Variants in NADK2 observed in about 807,000 individuals in gnomAD.
The protein encoded by NADK2 is NAD kinase domain-containing protein 1, mitochondrial.
Under a neutral mutation model 62.1 loss-of-function variants are expected in NADK2, and 35 were observed. The ratio of observed to expected loss-of-function variants is 0.56; its 90% CI spans 0.43 to 0.75. The LOEUF is 0.75. Among genes scored for constraint, NADK2 ranks in the 30% least tolerant of loss-of-function variants. The pLI is 0.00. For synonymous variants in NADK2, 205 were observed against 207.9 expected (o/e 0.99, Z 0.12); for missense variants, 439 against 561.3 (o/e 0.78, Z 2.20).
At chr5:36,226,391 T>C in intron 3 of NADK2, 84 bp downstream of exon 3, 2 of 1,069,730 alleles carry the variant, frequency 1.9e-6, no homozygotes, top group Middle Eastern at 2.1e-4. Context: ...AAGGCTTCAA[T>C]ATAGCTAGAC....
intron 1 of NADK2, among the ~76,000 whole-genome samples, chr5:36,232,197 T>TATA (rs1483554086): frequency 6.6e-6 from 1 of 152,242 alleles, no homozygotes; most frequent in Non-Finnish European, 1.5e-5. Context: ...CTAAATGGTT[T>TATA]ATAACACCTT....
intron 6 of NADK2, among the ~76,000 whole-genome samples, chr5:36,213,339 C>T (rs1009177773): frequency 2.0e-5 from 3 of 151,872 alleles, no homozygotes; most frequent in African/African-American, 7.3e-5. Context: ...CTAATAAAAC[C>T]ACCACTGTCA....
At chr5:36,240,543 T>C (rs866797758) in intron 1 of NADK2, among the ~76,000 whole-genome samples, 1 of 152,288 alleles carries the variant, frequency 6.6e-6, no homozygotes, top group Middle Eastern at 3.4e-3. Context: ...ATTTCCAATA[T>C]ATTTTTCTGG....
intron 8 of NADK2, among the ~76,000 whole-genome samples, chr5:36,201,637 A>G (rs1746450566): frequency 6.6e-6 from 1 of 152,032 alleles, no homozygotes. Context: ...AATAAAAGGT[A>G]TCATATAGTG....
intron 5 of NADK2, 192 bp from the exon 6 acceptor site, chr5:36,218,076 C>T: frequency 2.0e-6 from 1 of 505,886 alleles, no homozygotes; most frequent in Non-Finnish European, 3.5e-6. Context: ...ATTCTCTTTT[C>T]AATTATAACG....
chr5:36,194,557 AATT>A lies in NADK2; in HGVS notation c.*584_*586del, dbSNP rs1348317640. The A allele has an allele frequency of 5.3e-5, 8 of 152,194 alleles. No homozygotes were observed. Among genetic ancestry groups the A allele is most frequent in the Admixed American group, 2.6e-4 (4 of 15,278 alleles). 9.4% of individuals were successfully genotyped at this position (152,194 alleles called of 1,614,324 possible). A position where few individuals can be genotyped will look rare whatever the true frequency, so the allele number is the denominator to read the frequency against. On this transcript the variant is annotated 3_prime_UTR_variant, in exon 12 of 12. Transcript: ENST00000381937. ...GAAAGCATTCATCTATAATTTCAAA[AATT>A]ATTATTTGAAATTTTTAAATCAATA...
At chr5:36,241,970 T>A (rs1748159417), upstream of NADK2, 1 of 415,162 alleles carries the variant, frequency 2.4e-6, no homozygotes, top group African/African-American at 2.1e-5. The surrounding 1 kb of genome is among the most constrained non-coding windows in gnomAD (Gnocchi z 4.9). Context: ...TACCCAGGCG[T>A]TGACGAAGGC....
intron 5 of NADK2, chr5:36,218,189 G>A (rs572429612): frequency 9.1e-4 from 181 of 198,012 alleles, no homozygotes; most frequent in African/African-American, 3.9e-3. Flanking sequence ...GATATAGCTT[G>A]TGCTTTGCTC....
Position 36,230,243 on chromosome 5 carries a change from T to C in NADK2, c.301-2678A>G, listed in dbSNP as rs547496335. On this transcript the variant is annotated intron_variant, in intron 1 of 11. Transcript: ENST00000381937. The stretch of plus-strand genomic sequence containing the variant: ...TTCCTCCCCATTCCCAACACTCTAA[T>C]CTCTTTGGTCTATTTTCACCAAGCT... Among the ~76,000 whole-genome samples, 11 of 152,278 alleles carry C rather than the reference T, an allele frequency of 7.2e-5. No homozygotes were observed. The South Asian group carries it at 2.3e-3, about 32-fold the overall frequency.
In NADK2 at chr5:36,241,371, A is replaced by C; in HGVS notation, c.300+128T>G. On this transcript the variant is annotated intron_variant, in intron 1 of 11. Coordinates refer to ENST00000381937, the MANE Select transcript of NADK2 (RefSeq NM_001085411.3). This position sits in a 1 kb window ranked among gnomAD's most constrained non-coding sequence, Gnocchi z 4.9. Reference sequence around the variant, plus strand: ...GAAGCCAGAGGACCTGGGGGCCGCGAGAGAGGCAGGACCGGCATCTGCGGT... The same window carrying C: ...GAAGCCAGAGGACCTGGGGGCCGCGCGAGAGGCAGGACCGGCATCTGCGGT... 1.5e-6 allele frequency: 2 copies of C among 1,338,074 alleles called. No homozygotes were observed. The highest frequency in any genetic ancestry group is 9.6e-7 in the Non-Finnish European group (1 of 1,045,754). 82.9% of individuals were successfully genotyped at this position (1,338,074 alleles called of 1,614,324 possible).
rs982423889 is a variant in NADK2 at position 36,230,769 on chromosome 5, C to T, written c.301-3204G>A. Among the ~76,000 whole-genome samples, 7 of 136,408 alleles carry T rather than the reference C, an allele frequency of 5.1e-5. No homozygotes were observed. The Admixed American group carries it at 5.4e-4, about 10-fold the overall frequency. 89.5% of individuals were successfully genotyped at this position (136,408 alleles called of 152,430 possible). A position where few individuals can be genotyped will look rare whatever the true frequency, so the allele number is the denominator to read the frequency against. ...TACAATTCCACTTTAGGCGTGAACA[C>T]TTTACACAGCTAGAAGTTAAGCTCT... On this transcript the variant is annotated intron_variant, in intron 1 of 11. Coordinates refer to ENST00000381937, the MANE Select transcript of NADK2 (RefSeq NM_001085411.3).
In NADK2 at chr5:36,225,530, G is replaced by A. The variant is rs537795152; in HGVS notation, c.560+12C>T. 35 of 1,605,244 alleles carry A rather than the reference G, an allele frequency of 2.2e-5. No homozygotes were observed. Among genetic ancestry groups the A allele is most frequent in the East Asian group, 1.8e-4 (8 of 44,724 alleles). On this transcript the variant is annotated intron_variant, in intron 4 of 11. Coordinates refer to ENST00000381937, the MANE Select transcript of NADK2 (RefSeq NM_001085411.3). Reference sequence around the variant, plus strand: ...CACACAAATCAAACAAAATGTATACGTTCTTTCTTACCGTTCTGGATCAGT... The same window carrying A: ...CACACAAATCAAACAAAATGTATACATTCTTTCTTACCGTTCTGGATCAGT...
At chr5:36,203,198 A>G (rs573058860) in intron 8 of NADK2, among the ~76,000 whole-genome samples, 2 of 152,258 alleles carry the variant, frequency 1.3e-5, no homozygotes, top group Non-Finnish European at 2.9e-5. Flanking sequence ...TACTTATGAA[A>G]ATAAAATCAC....
intron 1 of NADK2, among the ~76,000 whole-genome samples, chr5:36,237,487 A>T (rs1189125957): frequency 6.6e-6 from 1 of 152,232 alleles, no homozygotes; most frequent in East Asian, 1.9e-4. Context: ...AGTTACTTCC[A>T]GGGACAAAAC....
chr5:36,241,233 G>A lies in NADK2; in HGVS notation c.300+266C>T, dbSNP rs184724757. On this transcript the variant is annotated intron_variant, in intron 1 of 11. Coordinates refer to ENST00000381937, the MANE Select transcript of NADK2 (RefSeq NM_001085411.3). The surrounding 1 kb of genome is among the most constrained non-coding windows in gnomAD (Gnocchi z 4.9). ...TCGGCAGCCCCTCTTCGCCCTCCCC[G>A]CGGCGCCCCTGCCTCCTAAGTCCCT... is the stretch of plus-strand genomic sequence containing the variant. The A allele has an allele frequency of 5.6e-4, 265 of 477,236 alleles. No homozygotes were observed. In the East Asian group the frequency reaches 0.011, roughly 20 times the overall value. The allele number at this position is 477,236 out of a possible 1,614,324, so 29.6% of individuals were successfully genotyped here.
At chr5:36,240,070 G>A (rs1425185254) in intron 1 of NADK2, among the ~76,000 whole-genome samples, 1 of 152,102 alleles carries the variant, frequency 6.6e-6, no homozygotes, top group African/African-American at 2.4e-5. Flanking sequence ...ACAACCCAAA[G>A]GGCACACCAC....
At chr5:36,207,446 T>TAAAA (rs34974252) in intron 7 of NADK2, among the ~76,000 whole-genome samples, 181 bp from the exon 8 acceptor site, 1 of 147,092 alleles carries the variant, frequency 6.8e-6, no homozygotes, top group Non-Finnish European at 1.5e-5. Context: ...TAGAAGAAAT[T>TAAAA]AAAAAAAAAA....
chr5:36,210,359 A>G (rs1052866720), intron 7 of NADK2, among the ~76,000 whole-genome samples: 1 of 152,218 alleles, frequency 6.6e-6, no homozygotes, highest in Non-Finnish European at 1.5e-5. Flanking sequence ...CCCACAAAAC[A>G]GCTTCTGCCG....
chr5:36,239,242 ACTC>A (rs1216779552), intron 1 of NADK2, among the ~76,000 whole-genome samples: 20 of 151,948 alleles, frequency 1.3e-4, no homozygotes, highest in Non-Finnish European at 2.6e-4. Context: ...TCATCTTATC[ACTC>A]CTATTACAGA....
Sources: gnomAD v4.1 joint callset for allele counts (sites outside exome capture counted in the v4.1 genomes callset) on GRCh38, gnomAD v4.1.1 for gene constraint, Gnocchi (gnomAD v3.1) non-coding constraint, MANE v1.5 for transcripts, NCBI Gene and HGNC (gene_info 2026-07-23, HGNC 2026-07-21) for gene names.